Variants in NOX4 observed in about 807,000 individuals in gnomAD.
NOX4 encodes NADPH oxidase 4.
NOX4 carries 69 observed loss-of-function variants against 87.6 expected under a neutral mutation model. The ratio of observed to expected loss-of-function variants is 0.79; its 90% CI spans 0.65 to 0.96. NOX4 has a LOEUF of 0.96. Ranked by LOEUF, NOX4 falls within the 40% of genes least tolerant of loss-of-function variation. The pLI is 0.00. For missense variants in NOX4, 680 were observed against 681.5 expected (o/e 1.00, Z 0.02); for synonymous variants, 275 against 238.2 (o/e 1.15, Z -1.42).
the NOX4 span, among the ~76,000 whole-genome samples, chr11:89,580,341 C>T: frequency 1.3e-5 from 2 of 152,110 alleles, no homozygotes; most frequent in African/African-American, 2.4e-5. Context: ...CGCACCACCA[C>T]ACCTTGCTAA....
At chr11:89,337,417 G>A (rs745992106) in intron 16 of NOX4, 30 bp downstream of exon 16, 2 of 1,610,660 alleles carry the variant, frequency 1.2e-6, no homozygotes, top group African/African-American at 2.7e-5. Flanking sequence ...CAAGAGGCTT[G>A]TTTAATTTAC....
At chr11:89,584,777 A>G in the NOX4 span, among the ~76,000 whole-genome samples, 2 of 152,188 alleles carry the variant, frequency 1.3e-5, no homozygotes, top group African/African-American at 4.8e-5. Flanking sequence ...CTAAAGATAG[A>G]TAAGATAATG....
chr11:89,437,138 A>G (rs115362712), intron 6 of NOX4, among the ~76,000 whole-genome samples: 5,460 of 152,018 alleles, frequency 0.036, 321 homozygotes, highest in African/African-American at 0.12. Flanking sequence ...TGAGGCAAGC[A>G]GATCATGAGG....
chr11:89,408,229 T>C (rs1301218719), intron 8 of NOX4, among the ~76,000 whole-genome samples: 1 of 152,190 alleles, frequency 6.6e-6, no homozygotes, highest in East Asian at 1.9e-4. Context: ...TAATAAGTGC[T>C]CAATAAATAT....
intron 13 of NOX4, among the ~76,000 whole-genome samples, chr11:89,349,822 TG>T (rs1167182768): frequency 1.3e-5 from 2 of 152,202 alleles, no homozygotes; most frequent in Non-Finnish European, 2.9e-5. Context: ...ATTGCCAAAA[TG>T]GTTGCAAGTA....
chr11:89,455,119 G>A (rs1278247014), intron 2 of NOX4, among the ~76,000 whole-genome samples: 1 of 152,046 alleles, frequency 6.6e-6, no homozygotes, highest in Non-Finnish European at 1.5e-5. Flanking sequence ...CACAGGTCTT[G>A]CGTTTCATCT....
chr11:89,446,351 C>T (rs1241992694), intron 4 of NOX4, among the ~76,000 whole-genome samples: 1 of 152,066 alleles, frequency 6.6e-6, no homozygotes, highest in Non-Finnish European at 1.5e-5. Flanking sequence ...ATCTCGCACT[C>T]ATACTCTTGG....
chr11:89,580,714 C>T, the NOX4 span, among the ~76,000 whole-genome samples: 1 of 152,042 alleles, frequency 6.6e-6, no homozygotes, highest in Non-Finnish European at 1.5e-5. Context: ...ATATATTAGG[C>T]TCTGGGTTAG....
intron 17 of NOX4, 106 bp downstream of exon 17, chr11:89,335,739 A>G: frequency 3.7e-6 from 2 of 535,702 alleles, no homozygotes; most frequent in Non-Finnish European, 6.6e-6. Context: ...TGAATTTGTC[A>G]TTGGTAAACT....
At chr11:89,434,246 T>C (rs999890137) in intron 6 of NOX4, among the ~76,000 whole-genome samples, 1 of 152,028 alleles carries the variant, frequency 6.6e-6, no homozygotes, top group Non-Finnish European at 1.5e-5. Flanking sequence ...CTCAGTACAG[T>C]AGAAACAAAT....
At chr11:89,474,572 T>A (rs1946088033) in intron 2 of NOX4, among the ~76,000 whole-genome samples, 1 of 151,152 alleles carries the variant, frequency 6.6e-6, no homozygotes, top group African/African-American at 2.4e-5. Context: ...AAAGATAAAA[T>A]TAATTAGCCT....
At chr11:89,368,028 C>T (rs1237420706) in intron 12 of NOX4, among the ~76,000 whole-genome samples, 3 of 152,048 alleles carry the variant, frequency 2.0e-5, no homozygotes, top group Admixed American at 2.0e-4. Context: ...TCCATTTGCT[C>T]CTGGAACTAT....
chr11:89,386,123 T>C (rs1322434778), intron 11 of NOX4, among the ~76,000 whole-genome samples: 4 of 152,162 alleles, frequency 2.6e-5, no homozygotes, highest in African/African-American at 9.7e-5. Context: ...CCACTTGCCC[T>C]TCTCAGAATT....
intron 2 of NOX4, among the ~76,000 whole-genome samples, chr11:89,484,238 A>G (rs1013421549): frequency 1.3e-5 from 2 of 152,132 alleles, no homozygotes; most frequent in African/African-American, 4.8e-5. Context: ...TTATGCAGTT[A>G]GCATTTAGCT....
At chr11:89,536,454 C>A in the NOX4 span, among the ~76,000 whole-genome samples, 1 of 152,062 alleles carries the variant, frequency 6.6e-6, no homozygotes, top group Non-Finnish European at 1.5e-5. Context: ...CGATCTGGTC[C>A]TTTTCTACCT....
At chr11:89,446,324 CAT>C (rs1159569873) in intron 4 of NOX4, among the ~76,000 whole-genome samples, 1 of 152,060 alleles carries the variant, frequency 6.6e-6, no homozygotes, top group Non-Finnish European at 1.5e-5. Context: ...AAAAACTACA[CAT>C]ACTCTTACCA....
At chr11:89,508,474 C>T in the NOX4 span, among the ~76,000 whole-genome samples, 1 of 152,176 alleles carries the variant, frequency 6.6e-6, no homozygotes, top group South Asian at 2.1e-4. Context: ...AAAATAAAGA[C>T]AGTTATATCT....
the NOX4 span, among the ~76,000 whole-genome samples, chr11:89,504,933 T>C: frequency 6.6e-6 from 1 of 151,966 alleles, no homozygotes; most frequent in Admixed American, 6.6e-5. Flanking sequence ...TATGATTAGT[T>C]CTTCTTTGGT....
chr11:89,585,704 C>T, the NOX4 span, among the ~76,000 whole-genome samples: 2 of 152,192 alleles, frequency 1.3e-5, no homozygotes, highest in East Asian at 3.9e-4. Context: ...TCCCGTATGC[C>T]TTGTTTCACA....
Sources: allele counts gnomAD v4.1 joint callset (sites outside exome capture counted in the v4.1 genomes callset), GRCh38; gene constraint gnomAD v4.1.1; transcripts MANE v1.5; gene names NCBI Gene and HGNC (gene_info 2026-07-23, HGNC 2026-07-21).